Variants in CDKL4 observed in about 807,000 individuals in gnomAD.
CDKL4 encodes the protein cyclin-dependent kinase-like 4.
Under a neutral mutation model 42.0 loss-of-function variants are expected in CDKL4, and 44 were observed. That is an observed-to-expected ratio of 1.05 (90% CI 0.82 to 1.35). The LOEUF (loss-of-function observed/expected upper bound fraction) is 1.35. CDKL4 is among the 40% of genes most tolerant of loss of function. The probability of loss-of-function intolerance (pLI) is 0.00; values close to 1 mark genes in which losing one functional copy is unlikely to be tolerated. For missense variants in CDKL4, 393 were observed against 369.9 expected, an observed-to-expected ratio of 1.06 and a Z score of -0.51; for synonymous variants, 120 against 121.6, an observed-to-expected ratio of 0.99 and a Z score of 0.09.
chr2:39,232,943 G>T (rs1679155544), intron 1 of CDKL4, among the ~76,000 whole-genome samples: 1 of 149,932 alleles, frequency 6.7e-6, no homozygotes, highest in Non-Finnish European at 1.5e-5. Flanking sequence ...TACTCAGGAG[G>T]CTGAGACAAG....
chr2:39,222,523 G>C (rs1678438052), intron 3 of CDKL4, among the ~76,000 whole-genome samples: 1 of 152,158 alleles, frequency 6.6e-6, no homozygotes, highest in South Asian at 2.1e-4. Flanking sequence ...CCAGGAGGTA[G>C]AGGCTGCAGT....
chr2:39,244,882 C>T (rs912094853), upstream of CDKL4, among the ~76,000 whole-genome samples: 1 of 152,072 alleles, frequency 6.6e-6, no homozygotes, highest in Non-Finnish European at 1.5e-5. Flanking sequence ...ATGCACCAGT[C>T]GACACTCTGT....
intron 5 of CDKL4, among the ~76,000 whole-genome samples, chr2:39,200,818 C>T (rs1460375038): frequency 1.3e-5 from 2 of 152,172 alleles, no homozygotes; most frequent in Non-Finnish European, 2.9e-5. Flanking sequence ...CCTCACCTCT[C>T]ACCTTATACA....
At chr2:39,212,970 TA>T (rs1677679472) in intron 4 of CDKL4, among the ~76,000 whole-genome samples, 1 of 152,110 alleles carries the variant, frequency 6.6e-6, no homozygotes, top group Non-Finnish European at 1.5e-5. Context: ...CCTGAAAAAT[TA>T]TTCTCGCCCA....
intron 5 of CDKL4, among the ~76,000 whole-genome samples, chr2:39,195,465 T>G (rs1676450115): frequency 6.6e-6 from 1 of 152,122 alleles, no homozygotes; most frequent in Non-Finnish European, 1.5e-5. Flanking sequence ...TACCAACACT[T>G]GTTATTTTGT....
intron 4 of CDKL4, among the ~76,000 whole-genome samples, chr2:39,208,427 G>C (rs937805129): frequency 6.6e-6 from 1 of 150,974 alleles, no homozygotes; most frequent in South Asian, 2.1e-4. Flanking sequence ...TGCAACCTCT[G>C]CCTCCTGGGT....
At chr2:39,203,684 G>C (rs56224293) in intron 5 of CDKL4, among the ~76,000 whole-genome samples, 2,512 of 152,202 alleles carry the variant, frequency 0.017, 77 homozygotes, top group African/African-American at 0.057. Context: ...ACTAATGGCA[G>C]CCCAGCATTT....
At chr2:39,223,690 G>A (rs1306020435) in intron 3 of CDKL4, among the ~76,000 whole-genome samples, 1 of 148,190 alleles carries the variant, frequency 6.7e-6, no homozygotes, top group East Asian at 2.0e-4. Context: ...TCTGCTCACT[G>A]CAGCCTTCAC....
At position 39,192,847 on chromosome 2, in the gene CDKL4, C is replaced by A. The variant is rs563281483; in HGVS notation, c.455-2345G>T. On this transcript the variant is annotated intron_variant, in intron 5 of 9. Transcript: ENST00000451199. ...TCTGTATTTAGAATTATTTCAAGGC[C>A]CGGCACAGTAGCTCACACCTATAAC... 2.6e-5 allele frequency among the ~76,000 whole-genome samples: 4 copies of A among 152,112 alleles called. No individual in the cohort carries two copies. In the East Asian group the frequency reaches 7.7e-4, roughly 29 times the overall value.
downstream of CDKL4, among the ~76,000 whole-genome samples, chr2:39,174,863 A>G (rs553428873): frequency 1.1e-4 from 16 of 152,048 alleles, no homozygotes; most frequent in Non-Finnish European, 2.4e-4. Context: ...TGGTGCTGCA[A>G]AATTTATAAT....
At chr2:39,183,538 C>T (rs1675557358) in intron 8 of CDKL4, among the ~76,000 whole-genome samples, 1 of 152,134 alleles carries the variant, frequency 6.6e-6, no homozygotes, top group Non-Finnish European at 1.5e-5. Context: ...AGTTTTCATG[C>T]CCCAGAGTTG....
At chr2:39,241,699 A>T (rs193205187) in intron 1 of CDKL4, among the ~76,000 whole-genome samples, 17 of 152,218 alleles carry the variant, frequency 1.1e-4, no homozygotes, top group African/African-American at 3.6e-4. Context: ...TTCAAGTCAA[A>T]TGTCTTTCTG....
chr2:39,225,344 G>T (rs1443863009), intron 3 of CDKL4, among the ~76,000 whole-genome samples: 1 of 151,744 alleles, frequency 6.6e-6, no homozygotes, highest in Non-Finnish European at 1.5e-5. Flanking sequence ...GGTGGAGGTT[G>T]CAGTGAGCTG....
chr2:39,243,180 GATCAGGCCAT>G (rs70954798), intron 1 of CDKL4, among the ~76,000 whole-genome samples: 106,130 of 137,904 alleles, frequency 0.77, 43,587 homozygotes, highest in Non-Finnish European at 0.92. Context: ...AGATTTTGAA[GATCAGGCCAT>G]ATCAGTTAGG....
At position 39,185,213 on chromosome 2, in the gene CDKL4, TATAC is replaced by T. The variant is rs1385948072; in HGVS notation, c.736-570_736-567del. 2.0e-3 allele frequency among the ~76,000 whole-genome samples: 34 copies of T among 16,904 alleles called. 6 individuals carry two copies. Among genetic ancestry groups the T allele is most frequent in the African/African-American group, 4.6e-3 (34 of 7,402 alleles). The allele number at this position is 16,904 out of a possible 152,430, so 11.1% of individuals were successfully genotyped here. The stretch of plus-strand genomic sequence containing the variant: ...ATACATATATATACACATACGTATA[TATAC>T]ATATATACACATACGTATATATACA... On this transcript the variant is annotated intron_variant, in intron 7 of 9. Coordinates refer to ENST00000451199, the Ensembl canonical transcript of CDKL4.
At chr2:39,168,879 C>T in the CDKL4 span, among the ~76,000 whole-genome samples, 11 of 151,720 alleles carry the variant, frequency 7.3e-5, no homozygotes, top group Non-Finnish European at 1.2e-4. Context: ...GCCTCAGCCT[C>T]CTGAGTAGCT....
intron 2 of CDKL4, 139 bp downstream of exon 2, chr2:39,229,226 T>A (rs776931063): frequency 1.1e-5 from 7 of 630,802 alleles, no homozygotes; most frequent in Non-Finnish European, 1.9e-5. Flanking sequence ...AAAGTGATAA[T>A]CAACTTATTA....
chr2:39,218,258 T>G (rs1678062270), intron 3 of CDKL4, among the ~76,000 whole-genome samples: 1 of 152,022 alleles, frequency 6.6e-6, no homozygotes, highest in Non-Finnish European at 1.5e-5. Context: ...CCCAGCACTT[T>G]GGGAGGCTGA....
At chr2:39,182,983 C>A (rs986539814) in intron 8 of CDKL4, among the ~76,000 whole-genome samples, 7 of 152,092 alleles carry the variant, frequency 4.6e-5, no homozygotes, top group Non-Finnish European at 7.4e-5. Flanking sequence ...TACTTATTTG[C>A]CATTAAAGAT....
Sources: allele counts gnomAD v4.1 joint callset (sites outside exome capture counted in the v4.1 genomes callset), GRCh38; gene constraint gnomAD v4.1.1; transcripts MANE v1.5; gene names NCBI Gene and HGNC (gene_info 2026-07-23, HGNC 2026-07-21).